Variants in DPYD observed in about 807,000 individuals in gnomAD.
DPYD encodes dihydropyrimidine dehydrogenase.
Under a neutral mutation model 116.2 loss-of-function variants are expected in DPYD, and 109 were observed. The ratio of observed to expected loss-of-function variants is 0.94; its 90% CI spans 0.80 to 1.10. The LOEUF is 1.10. Among genes scored for constraint, DPYD ranks in the 50% least tolerant of loss-of-function variants. The pLI, the probability that DPYD is intolerant of heterozygous loss-of-function variation, is 0.00. For missense variants in DPYD, 1,302 were observed against 1,254.5 expected (o/e 1.04, Z -0.57); for synonymous variants, 440 against 432.0 (o/e 1.02, Z -0.23).
At chr1:97,747,086 A>G (rs2101086760) in intron 3 of DPYD, among the ~76,000 whole-genome samples, 1 of 152,178 alleles carries the variant, frequency 6.6e-6, no homozygotes, top group South Asian at 2.1e-4. Context: ...GGAGCATAAG[A>G]TCATGGTTTA....
chr1:97,517,847 T>C (rs2101981926), intron 12 of DPYD, among the ~76,000 whole-genome samples: 1 of 152,274 alleles, frequency 6.6e-6, no homozygotes, highest in South Asian at 2.1e-4. Context: ...GTCTGTACTT[T>C]ACAAGGTGAA....
At chr1:97,597,310 C>T (rs1654951047) in intron 8 of DPYD, among the ~76,000 whole-genome samples, 1 of 152,172 alleles carries the variant, frequency 6.6e-6, no homozygotes, top group Non-Finnish European at 1.5e-5. Context: ...CAGGTCATCC[C>T]TTCTGGCCAG....
chr1:97,804,522 AGTGTATTTTGAGTT>A (rs1667992729), intron 3 of DPYD, among the ~76,000 whole-genome samples: 9 of 151,844 alleles, frequency 5.9e-5, no homozygotes, highest in Admixed American at 5.9e-4. Context: ...CAAATTCTAC[AGTGTATTTTGAGTT>A]TATCTATCCC....
intron 3 of DPYD, among the ~76,000 whole-genome samples, chr1:97,750,142 A>G (rs1348409934): frequency 6.6e-6 from 1 of 152,108 alleles, no homozygotes; most frequent in Non-Finnish European, 1.5e-5. Context: ...CCTAGAAGTA[A>G]ACCTCTCAGC....
chr1:97,844,560 T>C (rs534962606), intron 2 of DPYD, among the ~76,000 whole-genome samples: 134 of 152,246 alleles, frequency 8.8e-4, no homozygotes, highest in Non-Finnish European at 1.1e-3. Context: ...CATGTGGAGG[T>C]GCTGGTGATA....
At chr1:97,301,397 T>G (rs575661862) in intron 18 of DPYD, among the ~76,000 whole-genome samples, 1 of 152,138 alleles carries the variant, frequency 6.6e-6, no homozygotes, top group South Asian at 2.1e-4. Flanking sequence ...TAGAACAAAT[T>G]TGGCAAATAA....
chr1:97,657,278 T>C (rs1051503283), intron 8 of DPYD, among the ~76,000 whole-genome samples: 30 of 152,156 alleles, frequency 2.0e-4, no homozygotes, highest in African/African-American at 7.0e-4. Flanking sequence ...CTGTATTCTT[T>C]AGGACCTTCA....
chr1:97,718,925 T>C (rs1452458261), intron 5 of DPYD, among the ~76,000 whole-genome samples: 3 of 151,786 alleles, frequency 2.0e-5, no homozygotes. Flanking sequence ...ATCATGTGAC[T>C]GATAAAATCT....
At chr1:97,159,507 C>G (rs750682106) in intron 20 of DPYD, among the ~76,000 whole-genome samples, 9 of 151,902 alleles carry the variant, frequency 5.9e-5, no homozygotes, top group Non-Finnish European at 1.0e-4. Flanking sequence ...AACAGAAAAA[C>G]TATTTAGAGA....
At chr1:97,714,451 C>A (rs958594899) in intron 5 of DPYD, among the ~76,000 whole-genome samples, 1 of 151,618 alleles carries the variant, frequency 6.6e-6, no homozygotes, top group African/African-American at 2.4e-5. Flanking sequence ...CCTTGTGATC[C>A]GCCTGCCTCG....
intron 14 of DPYD, among the ~76,000 whole-genome samples, chr1:97,424,054 T>G (rs1402188864): frequency 6.6e-6 from 1 of 152,124 alleles, no homozygotes; most frequent in Non-Finnish European, 1.5e-5. Flanking sequence ...TCTTAGTATA[T>G]AATGGTATTT....
intron 14 of DPYD, among the ~76,000 whole-genome samples, chr1:97,384,086 G>A (rs1336799277): frequency 1.3e-5 from 2 of 152,106 alleles, no homozygotes; most frequent in African/African-American, 4.8e-5. Context: ...TCCGGCCTGG[G>A]CAACAGAGCG....
intron 3 of DPYD, among the ~76,000 whole-genome samples, chr1:97,827,555 A>G (rs1434191599): frequency 6.6e-6 from 1 of 152,072 alleles, no homozygotes; most frequent in Non-Finnish European, 1.5e-5. Context: ...AATATTCAGA[A>G]TTACTGATGT....
chr1:97,568,325 T>A (rs2102162276), intron 11 of DPYD, among the ~76,000 whole-genome samples: 1 of 152,250 alleles, frequency 6.6e-6, no homozygotes, highest in Middle Eastern at 3.4e-3. Context: ...ATGGTTTTGT[T>A]ACAGATTAAT....
intron 3 of DPYD, among the ~76,000 whole-genome samples, chr1:97,754,558 G>A (rs1247534360): frequency 2.6e-5 from 4 of 152,090 alleles, no homozygotes; most frequent in African/African-American, 4.8e-5. Context: ...TGTGTTCTGC[G>A]GAATCTTAAC....
chr1:97,879,689 A>G (rs1476322092), intron 2 of DPYD, among the ~76,000 whole-genome samples: 1 of 151,974 alleles, frequency 6.6e-6, no homozygotes, highest in Non-Finnish European at 1.5e-5. Flanking sequence ...CAATAATTTC[A>G]GAACTGCCAT....
chr1:97,287,366 G>T (rs60600201), intron 18 of DPYD, among the ~76,000 whole-genome samples: 1 of 152,194 alleles, frequency 6.6e-6, no homozygotes, highest in East Asian at 1.9e-4. Context: ...TAGGCTGCTC[G>T]GGGGTCAGGG....
chr1:97,744,509 T>C (rs1182213561), intron 3 of DPYD, among the ~76,000 whole-genome samples: 1 of 152,056 alleles, frequency 6.6e-6, no homozygotes, highest in Non-Finnish European at 1.5e-5. Flanking sequence ...TCACATTGCA[T>C]TGTCTTAGCT....
chr1:97,106,404 C>T (rs1312414860), intron 20 of DPYD, among the ~76,000 whole-genome samples: 5 of 152,058 alleles, frequency 3.3e-5, no homozygotes, highest in Admixed American at 1.3e-4. Flanking sequence ...AAAGAAAATA[C>T]GCCCTGAGTA....
Sources: gnomAD v4.1 joint callset for allele counts (sites outside exome capture counted in the v4.1 genomes callset) on GRCh38, gnomAD v4.1.1 for gene constraint, MANE v1.5 for transcripts, NCBI Gene and HGNC (gene_info 2026-07-23, HGNC 2026-07-21) for gene names.